CREBBP: variants seen among roughly 807,000 people sequenced by gnomAD.
CREBBP encodes CREB-binding protein.
In CREBBP, 19 loss-of-function variants were observed where a neutral mutation model predicts 265.0. The ratio of observed to expected loss-of-function variants is 0.07; its 90% CI spans 0.05 to 0.11. The LOEUF (loss-of-function observed/expected upper bound fraction) is 0.11. Among genes scored for constraint, CREBBP ranks in the 10% least tolerant of loss-of-function variants. The pLI, the probability that CREBBP is intolerant of heterozygous loss-of-function variation, is 1.00. For synonymous variants in CREBBP, 1,457 were observed against 1,223.7 expected (o/e 1.19, Z -3.98); for missense variants, 2,525 against 3,219.0 (o/e 0.78, Z 5.22).
chr16:3,826,382 C>T (rs1567342649), intron 2 of CREBBP, among the ~76,000 whole-genome samples: 2 of 152,110 alleles, frequency 1.3e-5, no homozygotes, highest in African/African-American at 4.8e-5. Context: ...TATAAACCCC[C>T]TATCCTTAAA....
In CREBBP at chr16:3,810,636, G is replaced by C. The variant is rs772188901; in HGVS notation, c.942C>G (p.Ile314Met). ...VNSLPTFPTD[I>M]KNTSVTNVPN... ...GCACGTTGGTGACTGAAGTATTCTTGATATCTGTAGGGAAGGTGGGCAAAC... is the reference window on the plus strand; with the variant it reads ...GCACGTTGGTGACTGAAGTATTCTTCATATCTGTAGGGAAGGTGGGCAAAC... The change falls in exon 3 of 31, where the codon ATC (isoleucine) becomes ATG (methionine). Residue 314 changes from isoleucine (I) to methionine (M), a missense_variant. Transcript: ENST00000262367. 10 of 1,613,856 alleles carry C rather than the reference G, an allele frequency of 6.2e-6. No homozygotes were observed. Among genetic ancestry groups the C allele is most frequent in the Admixed American group, 1.7e-5 (1 of 60,000 alleles).
intron 1 of CREBBP, among the ~76,000 whole-genome samples, chr16:3,870,711 G>A (rs182789760): frequency 2.0e-4 from 31 of 152,316 alleles, no homozygotes; most frequent in African/African-American, 7.0e-4. Flanking sequence ...TCCTGATTCC[G>A]GGTCAGGCTA....
At position 3,867,132 on chromosome 16, in the gene CREBBP, G is replaced by A. The variant is rs1597080755; in HGVS notation, c.85+12700C>T. ...CAGATATTTCTATTTCAACTATTAAGGTGGGTAATAAAAACCAGAAGTTTT... is the reference window on the plus strand; with the variant it reads ...CAGATATTTCTATTTCAACTATTAAAGTGGGTAATAAAAACCAGAAGTTTT... On this transcript the variant is annotated intron_variant, in intron 1 of 30. Coordinates refer to ENST00000262367, the MANE Select transcript of CREBBP (RefSeq NM_004380.3). Among the ~76,000 whole-genome samples, 5 of 152,228 alleles carry A rather than the reference G, an allele frequency of 3.3e-5. No individual in the cohort carries two copies. In the South Asian group the frequency reaches 1.0e-3, roughly 32 times the overall value.
chr16:3,740,919 T>G (rs2052188716), intron 23 of CREBBP: 4 of 364,322 alleles, frequency 1.1e-5, no homozygotes, highest in South Asian at 8.7e-5. Flanking sequence ...TGGCACACCC[T>G]CAGTGGGCTC....
chr16:3,726,547 G>A lies in CREBBP; in HGVS notation c.*1171C>T, dbSNP rs572303083. ...CAGCCCCAGCCTCTCCGCTATGAGC[G>A]AACAACCAGAACCATGTCTTACAAA... On this transcript the variant is annotated 3_prime_UTR_variant, in exon 31 of 31. Coordinates refer to ENST00000262367, the MANE Select transcript of CREBBP (RefSeq NM_004380.3). 9.7e-4 allele frequency: 227 copies of A among 233,666 alleles called. No individual in the cohort carries two copies. The highest frequency in any genetic ancestry group is 4.6e-3 in the African/African-American group (210 of 45,432). 14.5% of individuals were successfully genotyped at this position (233,666 alleles called of 1,614,324 possible).
intron 10 of CREBBP, 149 bp downstream of exon 10, chr16:3,777,862 G>T: frequency 9.0e-7 from 1 of 1,112,396 alleles, no homozygotes; most frequent in Non-Finnish European, 1.4e-6. Flanking sequence ...CACAGCCTGA[G>T]GCAGGTGGTC....
chr16:3,777,984 G>C (rs765925443), intron 10 of CREBBP, 27 bp downstream of exon 10: 3 of 1,612,042 alleles, frequency 1.9e-6, no homozygotes, highest in Non-Finnish European at 2.5e-6. Flanking sequence ...CAGGCTAAGG[G>C]ATGGCAGTAG....
intron 2 of CREBBP, among the ~76,000 whole-genome samples, chr16:3,820,729 G>T (rs1379282995): frequency 6.6e-6 from 1 of 152,162 alleles, no homozygotes; most frequent in African/African-American, 2.4e-5. Context: ...GTGTGACGGC[G>T]TGTGCTTGTA....
At chr16:3,767,624 A>T (rs1284609152) in intron 16 of CREBBP, 96 bp downstream of exon 16, 10 of 1,529,850 alleles carry the variant, frequency 6.5e-6, no homozygotes, top group Non-Finnish European at 9.0e-6. Context: ...GGGCAGATAG[A>T]ATTATGTTTC....
At chr16:3,795,600 G>A (rs1333591865) in intron 3 of CREBBP, among the ~76,000 whole-genome samples, 1 of 152,110 alleles carries the variant, frequency 6.6e-6, no homozygotes, top group East Asian at 1.9e-4. Context: ...GGCATAAACT[G>A]GAATCCCTGG....
chr16:3,728,480 G>A lies in CREBBP; in HGVS notation c.6567C>T (p.Tyr2189=), dbSNP rs777137937. The change falls in exon 31 of 31, where the codon TAC becomes TAT. Residue 2189 remains tyrosine (Y), a synonymous_variant. Coordinates refer to ENST00000262367, the MANE Select transcript of CREBBP (RefSeq NM_004380.3). This position sits in a 1 kb window ranked among gnomAD's most constrained non-coding sequence, Gnocchi z 8.7. ...GCAGCTGCCTCCGTAACATTTCTCGGTACTGTGGATTCATACTCGCCATGT... is the reference window on the plus strand; with the variant it reads ...GCAGCTGCCTCCGTAACATTTCTCGATACTGTGGATTCATACTCGCCATGT... The part of the protein sequence containing the change: ...NPNMASMNPQ[Y]REMLRRQLLQ... 1.2e-6 allele frequency: 2 copies of A among 1,613,990 alleles called. No individual in the cohort carries two copies. Among genetic ancestry groups the A allele is most frequent in the Non-Finnish European group, 1.7e-6 (2 of 1,179,996 alleles).
intron 2 of CREBBP, among the ~76,000 whole-genome samples, chr16:3,845,393 A>G (rs1222087482): frequency 1.3e-5 from 2 of 152,236 alleles, no homozygotes; most frequent in African/African-American, 4.8e-5. Context: ...AACTAAAGAA[A>G]AAGAGTTCAG....
intron 2 of CREBBP, among the ~76,000 whole-genome samples, chr16:3,830,462 T>C (rs2054321392): frequency 6.6e-6 from 1 of 151,854 alleles, no homozygotes; most frequent in South Asian, 2.1e-4. Context: ...GGAGTCTACA[T>C]TAAATATGAG....
intron 1 of CREBBP, among the ~76,000 whole-genome samples, chr16:3,866,968 G>A (rs1034056701): frequency 1.3e-5 from 2 of 152,112 alleles, no homozygotes; most frequent in Non-Finnish European, 2.9e-5. Context: ...AAGGATTTCT[G>A]AGTCATACTC....
At chr16:3,851,306 T>TAAAAAAAAAAAAAAAAAAAA (rs1160251196) in intron 1 of CREBBP, among the ~76,000 whole-genome samples, 2 of 76,492 alleles carry the variant, frequency 2.6e-5, no homozygotes, top group African/African-American at 4.3e-5. Flanking sequence ...AAAAAAAAAT[T>TAAAAAAAAAAAAAAAAAAAA]AAAAAAAAAA....
In CREBBP at chr16:3,727,949, C is replaced by A. The variant is rs587783513; in HGVS notation, c.7098G>T (p.Arg2366=). 1 of 1,607,332 alleles carries A rather than the reference C, an allele frequency of 6.2e-7. No individual in the cohort carries two copies. Among genetic ancestry groups the A allele is most frequent in the Non-Finnish European group, 8.5e-7 (1 of 1,175,396 alleles). The change falls in exon 31 of 31, where the codon CGG becomes CGT. Residue 2366 remains arginine (R), a synonymous_variant. Transcript: ENST00000262367. ...SQPPHSSPSP[R]IQPQPSPHHV... ...GGTGTGGCGAAGGCTGGGGCTGTATCCGTGGTGACGGGCTGGAATGTGGAG... is the reference window on the plus strand; with the variant it reads ...GGTGTGGCGAAGGCTGGGGCTGTATACGTGGTGACGGGCTGGAATGTGGAG...
chr16:3,740,735 G>A (rs2052183156), intron 23 of CREBBP, 186 bp from the exon 24 acceptor site: 1 of 738,720 alleles, frequency 1.4e-6, no homozygotes. Flanking sequence ...GGTGGACTCT[G>A]GGATCTCAGG....
At chr16:3,754,554 G>C (rs1436619146) in intron 19 of CREBBP, among the ~76,000 whole-genome samples, 2 of 152,048 alleles carry the variant, frequency 1.3e-5, no homozygotes, top group African/African-American at 2.4e-5. Flanking sequence ...CCATGGAACT[G>C]CATAGTTTAT....
chr16:3,872,065 C>T (rs915168724), intron 1 of CREBBP, among the ~76,000 whole-genome samples: 2 of 152,126 alleles, frequency 1.3e-5, no homozygotes, highest in South Asian at 2.1e-4. Flanking sequence ...AAATGTCACA[C>T]GGGATAATAT....
Sources: allele counts gnomAD v4.1 joint callset (sites outside exome capture counted in the v4.1 genomes callset), GRCh38; gene constraint gnomAD v4.1.1; non-coding constraint Gnocchi (gnomAD v3.1); transcripts MANE v1.5; gene names NCBI Gene and HGNC (gene_info 2026-07-23, HGNC 2026-07-21).